ZSCAN25: variants seen among roughly 807,000 people sequenced by gnomAD.
ZSCAN25 encodes zinc finger and SCAN domain containing 25.
A neutral mutation model predicts 38.7 loss-of-function variants in ZSCAN25; 27 were observed. The ratio of observed to expected loss-of-function variants is 0.70; its 90% CI spans 0.51 to 0.96. The LOEUF is 0.96. Ranked by LOEUF, ZSCAN25 falls within the 40% of genes least tolerant of loss-of-function variation. The pLI is 0.00. For synonymous variants in ZSCAN25, 273 were observed against 277.7 expected (o/e 0.98, Z 0.17); for missense variants, 637 against 705.9 (o/e 0.90, Z 1.11).
chr7:99,734,898 G>A, the ZSCAN25 span: 2 of 1,438,702 alleles, frequency 1.4e-6, no homozygotes, highest in Non-Finnish European at 1.9e-6. Flanking sequence ...TGGGATGACA[G>A]GTGTGAGCCA....
intron 4 of ZSCAN25, 85 bp downstream of exon 4, chr7:99,620,078 A>C (rs1806816558): frequency 6.8e-7 from 1 of 1,463,028 alleles, no homozygotes. Context: ...AAGCAGTAGG[A>C]GTGGACGAGG....
the ZSCAN25 span, among the ~76,000 whole-genome samples, chr7:99,729,410 C>T: frequency 2.0e-5 from 3 of 152,104 alleles, no homozygotes; most frequent in African/African-American, 4.8e-5. Flanking sequence ...TGAGAAACAT[C>T]ATCCATTATC....
At chr7:99,672,925 A>C in the ZSCAN25 span, 15 of 1,295,256 alleles carry the variant, frequency 1.2e-5, no homozygotes, top group Non-Finnish European at 1.5e-5. Flanking sequence ...ATTGAAAGAC[A>C]AAAGAGCTCT....
chr7:99,632,993 T>TC (rs1432399451), downstream of ZSCAN25, among the ~76,000 whole-genome samples: 1 of 150,384 alleles, frequency 6.6e-6, no homozygotes, highest in Admixed American at 6.6e-5. Flanking sequence ...TCTGTTGTTT[T>TC]TTTTTTTTTT....
the ZSCAN25 span, chr7:99,663,307 T>C: frequency 3.0e-6 from 3 of 994,540 alleles, no homozygotes; most frequent in Non-Finnish European, 3.6e-6. Context: ...AGCAGCTTTT[T>C]TGGGGGAGCA....
chr7:99,635,211 CACT>C (rs1808223476), downstream of ZSCAN25, among the ~76,000 whole-genome samples: 1 of 150,686 alleles, frequency 6.6e-6, no homozygotes, highest in Non-Finnish European at 1.5e-5. Context: ...GCTTTACTAA[CACT>C]ACAACCATAA....
chr7:99,737,529 C>T, the ZSCAN25 span, among the ~76,000 whole-genome samples: 1 of 152,150 alleles, frequency 6.6e-6, no homozygotes, highest in Non-Finnish European at 1.5e-5. Flanking sequence ...GCACAGAACA[C>T]ATTCTGACAA....
chr7:99,660,301 CA>C, the ZSCAN25 span: 1 of 1,073,576 alleles, frequency 9.3e-7, no homozygotes, highest in South Asian at 2.6e-5. Context: ...CAATATTGTA[CA>C]AAGATCTTAT....
At chr7:99,648,465 A>C in the ZSCAN25 span, 4 of 1,365,332 alleles carry the variant, frequency 2.9e-6, no homozygotes, top group Non-Finnish European at 4.1e-6. Context: ...AGATGGAAGC[A>C]AAGTAGAAAA....
chr7:99,708,586 G>A, the ZSCAN25 span, among the ~76,000 whole-genome samples: 7 of 152,034 alleles, frequency 4.6e-5, no homozygotes, highest in Admixed American at 6.5e-5. Context: ...CTACTGTATT[G>A]ATGGAAAGCA....
the ZSCAN25 span, chr7:99,709,066 A>G: frequency 1.2e-6 from 2 of 1,613,978 alleles, no homozygotes; most frequent in Non-Finnish European, 1.7e-6. Context: ...GGCTCTGTCC[A>G]GTACTTTGGG....
chr7:99,622,725 T>A, intron 6 of ZSCAN25, 85 bp downstream of exon 6: 1 of 1,293,054 alleles, frequency 7.7e-7, no homozygotes, highest in Non-Finnish European at 1.1e-6. Context: ...CACAACAGTG[T>A]TCCCTTCCCG....
At position 99,631,437 on chromosome 7, in the gene ZSCAN25, G is replaced by T; in HGVS notation, c.*1417G>T. On this transcript the variant is annotated 3_prime_UTR_variant, in exon 8 of 8. Transcript: ENST00000394152. ...TTCCTTATTGTGCCATCACTTAAGG[G>T]TTTCATTTCTGTTTAAAGTTCTGGA... The T allele has an allele frequency of 1.0e-6, 1 of 985,388 alleles. No homozygotes were observed. The highest frequency in any genetic ancestry group is 1.2e-6 in the Non-Finnish European group (1 of 829,926). The allele number at this position is 985,388 out of a possible 1,614,324, so 61.0% of individuals were successfully genotyped here.
chr7:99,717,659 G>C, the ZSCAN25 span: 14 of 1,612,682 alleles, frequency 8.7e-6, no homozygotes, highest in Non-Finnish European at 1.1e-5. Context: ...AAAGCAGAAA[G>C]ATTTTGTCCT....
chr7:99,685,577 C>T, the ZSCAN25 span, among the ~76,000 whole-genome samples: 12 of 152,218 alleles, frequency 7.9e-5, no homozygotes, highest in East Asian at 1.3e-3. Context: ...TTTCGCAAAG[C>T]GTTTGTGATA....
chr7:99,677,075 C>T, the ZSCAN25 span: 1 of 609,138 alleles, frequency 1.6e-6, no homozygotes. Flanking sequence ...AGTTCACTGC[C>T]TCTGTACGTG....
At chr7:99,642,054 A>G in the ZSCAN25 span, among the ~76,000 whole-genome samples, 2 of 152,290 alleles carry the variant, frequency 1.3e-5, no homozygotes, top group African/African-American at 2.4e-5. Flanking sequence ...TTTTGTTTTC[A>G]GCTCCTGTTG....
At chr7:99,723,717 G>A in the ZSCAN25 span, among the ~76,000 whole-genome samples, 1 of 152,294 alleles carries the variant, frequency 6.6e-6, no homozygotes, top group East Asian at 1.9e-4. Flanking sequence ...AATCGGGTAA[G>A]CGGCCTCTTT....
At chr7:99,705,319 G>T in the ZSCAN25 span, 1 of 675,844 alleles carries the variant, frequency 1.5e-6, no homozygotes, top group Non-Finnish European at 2.4e-6. Flanking sequence ...ATATTACCAA[G>T]TATAACACTC....
Sources: allele counts gnomAD v4.1 joint callset (sites outside exome capture counted in the v4.1 genomes callset), GRCh38; gene constraint gnomAD v4.1.1; transcripts MANE v1.5; gene names NCBI Gene and HGNC (gene_info 2026-07-23, HGNC 2026-07-21).